Variants in CLPB observed in about 807,000 individuals in gnomAD.
CLPB encodes the protein mitochondrial disaggregase.
In CLPB, 40 loss-of-function variants were observed where a neutral mutation model predicts 78.4. That is an observed-to-expected ratio of 0.51 (90% CI 0.40 to 0.66). The LOEUF (loss-of-function observed/expected upper bound fraction) is 0.66, where lower values mean the gene tolerates loss of function less well. CLPB is among the 30% of genes least tolerant of loss of function. The pLI is 0.00. For missense variants in CLPB, 780 were observed against 886.9 expected (o/e 0.88, Z 1.53); for synonymous variants, 333 against 348.0 (o/e 0.96, Z 0.48).
At chr11:72,331,320 T>G (rs769718053) in intron 5 of CLPB, among the ~76,000 whole-genome samples, 1 of 150,854 alleles carries the variant, frequency 6.6e-6, no homozygotes, top group Admixed American at 6.6e-5. Flanking sequence ...AGGAAAATAG[T>G]GTGAACCCGG....
At chr11:72,354,385 G>A (rs942763728) in intron 5 of CLPB, 2 of 398,264 alleles carry the variant, frequency 5.0e-6, no homozygotes, top group South Asian at 1.3e-4. Context: ...ATTCTCTGGA[G>A]GAACCTTGGT....
chr11:72,335,319 A>T (rs574944653), intron 5 of CLPB, among the ~76,000 whole-genome samples: 1 of 151,976 alleles, frequency 6.6e-6, no homozygotes, highest in East Asian at 1.9e-4. Flanking sequence ...GCAATTATTG[A>T]CTCTCCAAGT....
intron 2 of CLPB, among the ~76,000 whole-genome samples, chr11:72,418,324 G>A (rs573677718): frequency 1.3e-5 from 2 of 152,300 alleles, no homozygotes; most frequent in African/African-American, 2.4e-5. Context: ...GCCTAGGTCA[G>A]GAGAAATACA....
intron 6 of CLPB, among the ~76,000 whole-genome samples, chr11:72,319,104 T>C (rs1046773168): frequency 6.6e-6 from 1 of 152,202 alleles, no homozygotes; most frequent in African/African-American, 2.4e-5. Context: ...TATGCCTGCC[T>C]CTGGGCCTTT....
At chr11:72,422,940 G>T (rs748372398) in intron 2 of CLPB, among the ~76,000 whole-genome samples, 2 of 152,172 alleles carry the variant, frequency 1.3e-5, no homozygotes, top group Non-Finnish European at 2.9e-5. Context: ...ATCCAGGGAC[G>T]AGAACCAAAC....
intron 7 of CLPB, among the ~76,000 whole-genome samples, chr11:72,310,494 G>A (rs1191221131): frequency 2.6e-5 from 4 of 152,206 alleles, no homozygotes; most frequent in African/African-American, 7.2e-5. Flanking sequence ...GGCTAAGCGG[G>A]GAGTCCCTGG....
At chr11:72,357,129 G>A (rs1443102599) in intron 5 of CLPB, 1 of 152,278 alleles carries the variant, frequency 6.6e-6, no homozygotes, top group East Asian at 1.9e-4. Flanking sequence ...CTAGAACAAA[G>A]CATATTCTGG....
intron 3 of CLPB, among the ~76,000 whole-genome samples, chr11:72,381,760 C>A (rs1339931000): frequency 6.6e-6 from 1 of 152,042 alleles, no homozygotes; most frequent in East Asian, 1.9e-4. Flanking sequence ...CAGCTCAGAG[C>A]TTTAGGCCTG....
intron 1 of CLPB, among the ~76,000 whole-genome samples, chr11:72,432,556 G>C (rs1856576719): frequency 6.6e-6 from 1 of 152,110 alleles, no homozygotes; most frequent in Non-Finnish European, 1.5e-5. Context: ...CTGTCCCCTT[G>C]ACTGATTTTG....
intron 2 of CLPB, among the ~76,000 whole-genome samples, chr11:72,413,271 C>T (rs1162124205): frequency 6.7e-6 from 1 of 150,194 alleles, no homozygotes; most frequent in Non-Finnish European, 1.5e-5. Context: ...CCTGGGCAAC[C>T]AAAGCGAAAA....
chr11:72,403,879 T>C (rs1248828213), intron 2 of CLPB, among the ~76,000 whole-genome samples: 1 of 152,222 alleles, frequency 6.6e-6, no homozygotes. Flanking sequence ...GTAAATAGAA[T>C]GAACTCTTAC....
chr11:72,364,540 G>T (rs12807414), intron 4 of CLPB, among the ~76,000 whole-genome samples: 99,173 of 151,588 alleles, frequency 0.65, 33,063 homozygotes, highest in Non-Finnish European at 0.71. Context: ...AAAATATATA[G>T]AGAGAGATGG....
chr11:72,338,200 G>C (rs1014100267), intron 5 of CLPB, among the ~76,000 whole-genome samples: 1 of 152,160 alleles, frequency 6.6e-6, no homozygotes, highest in South Asian at 2.1e-4. Context: ...GATGTCAGGG[G>C]AGTGAGATGA....
intron 6 of CLPB, among the ~76,000 whole-genome samples, chr11:72,323,518 G>C (rs1449792503): frequency 7.1e-6 from 1 of 141,832 alleles, no homozygotes; most frequent in Non-Finnish European, 1.5e-5. Context: ...AGTGAACTGA[G>C]ATCACACCAC....
chr11:72,415,856 A>C (rs1236964939), intron 2 of CLPB, among the ~76,000 whole-genome samples: 1 of 152,194 alleles, frequency 6.6e-6, no homozygotes, highest in Non-Finnish European at 1.5e-5. Context: ...CCTCACAATA[A>C]TGGTCATGCC....
intron 7 of CLPB, among the ~76,000 whole-genome samples, chr11:72,316,899 G>C (rs1014101156): frequency 1.3e-5 from 2 of 152,162 alleles, no homozygotes; most frequent in Non-Finnish European, 2.9e-5. Flanking sequence ...AGTAAAATGG[G>C]ATTTAGCAGT....
At chr11:72,296,165 T>G (rs1208816806) in intron 11 of CLPB, among the ~76,000 whole-genome samples, 13 of 152,210 alleles carry the variant, frequency 8.5e-5, no homozygotes, top group Admixed American at 8.5e-4. Flanking sequence ...GTACTTTACA[T>G]GGCTACTGTC....
chr11:72,408,215 A>G (rs1199668719), intron 2 of CLPB: 3 of 1,530,408 alleles, frequency 2.0e-6, no homozygotes, highest in Non-Finnish European at 2.6e-6. Flanking sequence ...CTGAGGTATA[A>G]TGGAAAAAAA....
Position 72,434,315 on chromosome 11 carries a change from C to A in CLPB, c.160G>T (p.Gly54Trp). 6.2e-7 allele frequency: 1 copy of A among 1,612,532 alleles called. No homozygotes were observed. The highest frequency in any genetic ancestry group is 1.1e-5 in the South Asian group (1 of 91,030). ...AAGGCCGGCGATGTTCCAGGGCGCC[C>A]CCCGGTGGCTACCCTCAGCCACTGC... ...EPQWLRVATG[G>W]RPGTSPALFS... Residue 54 changes from glycine to tryptophan, a missense_variant, in exon 1 of 16, where the codon GGG (glycine) becomes TGG (tryptophan). Physicochemically the swap from Gly to Trp is radical, Grantham distance 184. Coordinates refer to ENST00000538039, the MANE Select transcript of CLPB (RefSeq NM_001258392.3).
Sources: allele counts gnomAD v4.1 joint callset (sites outside exome capture counted in the v4.1 genomes callset), GRCh38; gene constraint gnomAD v4.1.1; transcripts MANE v1.5; gene names NCBI Gene and HGNC (gene_info 2026-07-23, HGNC 2026-07-21).